Variants in HDAC11 observed in about 807,000 individuals in gnomAD.
The protein encoded by HDAC11 is histone deacetylase 11.
A neutral mutation model predicts 41.1 loss-of-function variants in HDAC11; 23 were observed. The ratio of observed to expected loss-of-function variants is 0.56; its 90% CI spans 0.40 to 0.79. The LOEUF (loss-of-function observed/expected upper bound fraction) is 0.79, where lower values mean the gene tolerates loss of function less well. Ranked by LOEUF, HDAC11 falls within the 30% of genes least tolerant of loss-of-function variation. The pLI is 0.00. For missense variants in HDAC11, 402 were observed against 477.3 expected (o/e 0.84, Z 1.47); for synonymous variants, 187 against 186.6 (o/e 1.00, Z -0.02).
At chr3:13,482,883 C>A (rs568051081) in intron 2 of HDAC11, among the ~76,000 whole-genome samples, 5 of 152,144 alleles carry the variant, frequency 3.3e-5, no homozygotes, top group Non-Finnish European at 7.4e-5. Context: ...ATTGCCACCT[C>A]AACCTCCCTG....
At position 13,502,327 on chromosome 3, in the gene HDAC11, G is replaced by C. The variant is rs751686662; in HGVS notation, c.552+394G>C. ...GATGCCCACACACATGGCTTGGCTC[G>C]GGCACCTGGGGTCACCATTTAAGAA... On this transcript the variant is annotated intron_variant, in intron 7 of 9. Coordinates refer to ENST00000295757, the MANE Select transcript of HDAC11 (RefSeq NM_024827.4). This position sits in a 1 kb window ranked among gnomAD's most constrained non-coding sequence, Gnocchi z 4.1. 1 of 212,690 alleles carries C rather than the reference G, an allele frequency of 4.7e-6. No homozygotes were observed. 13.2% of individuals were successfully genotyped at this position (212,690 alleles called of 1,614,324 possible). A position where few individuals can be genotyped will look rare whatever the true frequency, so the allele number is the denominator to read the frequency against.
chr3:13,480,807 T>A lies in HDAC11; in HGVS notation c.3-439T>A. The A allele has an allele frequency of 2.4e-6, 1 of 423,810 alleles. No homozygotes were observed. Among genetic ancestry groups the A allele is most frequent in the Non-Finnish European group, 4.9e-6 (1 of 205,128 alleles). 26.3% of individuals were successfully genotyped at this position (423,810 alleles called of 1,614,324 possible). A position where few individuals can be genotyped will look rare whatever the true frequency, so the allele number is the denominator to read the frequency against. The stretch of plus-strand genomic sequence containing the variant: ...CCGACTTGGGTTTCTGAGTGCTTAC[T>A]GTGCTCAGCTCCTCAGTTGCATTCT... On this transcript the variant is annotated intron_variant, in intron 1 of 9. Transcript: ENST00000295757. This position sits in a 1 kb window ranked among gnomAD's most constrained non-coding sequence, Gnocchi z 4.6.
At chr3:13,488,150 ACCTGGAGGGAC>A (rs1329609858) in intron 3 of HDAC11, among the ~76,000 whole-genome samples, 2 of 151,964 alleles carry the variant, frequency 1.3e-5, no homozygotes, top group Non-Finnish European at 2.9e-5. Flanking sequence ...TCCATGGAGC[ACCTGGAGGGAC>A]CCTGGAGAGT....
chr3:13,483,760 G>T (rs1358051656), intron 3 of HDAC11, among the ~76,000 whole-genome samples, 196 bp downstream of exon 3: 1 of 152,146 alleles, frequency 6.6e-6, no homozygotes, highest in Admixed American at 6.5e-5. Context: ...GCAGACCTCA[G>T]TTTGGGCCAG....
chr3:13,499,008 C>T (rs1459423259), intron 5 of HDAC11, among the ~76,000 whole-genome samples: 2 of 151,858 alleles, frequency 1.3e-5, no homozygotes, highest in Admixed American at 6.6e-5. Context: ...GGGTCAATAC[C>T]ACCACCTTCT....
intron 3 of HDAC11, among the ~76,000 whole-genome samples, chr3:13,490,080 G>A (rs541491260): frequency 9.2e-5 from 14 of 151,402 alleles, no homozygotes; most frequent in African/African-American, 1.7e-4. Context: ...TGCAACCTCC[G>A]CCTTCTGGTT....
At chr3:13,491,118 T>A (rs2125004506) in intron 3 of HDAC11, among the ~76,000 whole-genome samples, 1 of 149,304 alleles carries the variant, frequency 6.7e-6, no homozygotes, top group East Asian at 2.0e-4. Context: ...GTGTGTATTC[T>A]TTAGGATCCT....
chr3:13,486,793 G>C (rs945553290), intron 3 of HDAC11, among the ~76,000 whole-genome samples: 1 of 151,982 alleles, frequency 6.6e-6, no homozygotes, highest in Non-Finnish European at 1.5e-5. Flanking sequence ...TGGCCAGGCT[G>C]GTCTCGAACT....
chr3:13,504,361 G>A, intron 9 of HDAC11, 89 bp downstream of exon 9: 2 of 1,586,264 alleles, frequency 1.3e-6, no homozygotes, highest in Non-Finnish European at 1.7e-6. Flanking sequence ...TCAGGGAGGA[G>A]ATGGACTGAA....
rs556323044 is a variant in HDAC11, at chr3:13,494,450, G to A, written c.253-2286G>A. Among the ~76,000 whole-genome samples, 408 of 152,262 alleles carry A rather than the reference G, an allele frequency of 2.7e-3. 3 individuals carry two copies. The highest frequency in any genetic ancestry group is 0.02 in the South Asian group (97 of 4,820). ...CCGCAACATACACACACGCACACAC[G>A]CACACGGACATACCTGTGCACACAT... On this transcript the variant is annotated intron_variant, in intron 3 of 9. Coordinates refer to ENST00000295757, the MANE Select transcript of HDAC11 (RefSeq NM_024827.4).
At chr3:13,495,162 G>C (rs767362308) in intron 3 of HDAC11, among the ~76,000 whole-genome samples, 16 of 152,176 alleles carry the variant, frequency 1.1e-4, no homozygotes, top group Admixed American at 8.5e-4. Flanking sequence ...CTGGCCTCCT[G>C]AGCACTGCAC....
chr3:13,495,898 C>T (rs565915837), intron 3 of HDAC11, among the ~76,000 whole-genome samples: 4 of 152,384 alleles, frequency 2.6e-5, no homozygotes, highest in Non-Finnish European at 4.4e-5. Context: ...CCACACTCAT[C>T]ACACTGCAAA....
At chr3:13,501,448 G>T (rs1355905721) in intron 6 of HDAC11, among the ~76,000 whole-genome samples, 1 of 152,172 alleles carries the variant, frequency 6.6e-6, no homozygotes, top group Non-Finnish European at 1.5e-5. Flanking sequence ...GGGGAGGAGG[G>T]AATGAAGGCT....
At chr3:13,498,594 C>T (rs1305500922) in intron 5 of HDAC11, 39 bp downstream of exon 5, 1 of 1,335,686 alleles carries the variant, frequency 7.5e-7, no homozygotes, top group Non-Finnish European at 1.0e-6. Context: ...TCCAGCCCGG[C>T]TTGGTGGAAC....
rs3217603 is a variant in HDAC11 at position 13,496,863 on chromosome 3, T to TGG, written c.369+17_369+18dup. 1.9e-3 allele frequency: 2,029 copies of TGG among 1,079,644 alleles called. 3 individuals carry two copies. The highest frequency in any genetic ancestry group is 2.4e-3 in the Non-Finnish European group (1,794 of 735,834). The allele number at this position is 1,079,644 out of a possible 1,614,324, so 66.9% of individuals were successfully genotyped here. A position where few individuals can be genotyped will look rare whatever the true frequency, so the allele number is the denominator to read the frequency against. On this transcript the variant is annotated intron_variant, in intron 4 of 9. Coordinates refer to ENST00000295757, the MANE Select transcript of HDAC11 (RefSeq NM_024827.4). ...GGAGGAACCATAATGGTAGGTGGGGTGGGGGGGCATGGCTGGGCTGGGGGC... is the reference window on the plus strand; with the variant it reads ...GGAGGAACCATAATGGTAGGTGGGGTGGGGGGGGGCATGGCTGGGCTGGGGGC...
intron 3 of HDAC11, among the ~76,000 whole-genome samples, chr3:13,495,652 C>T (rs1165277225): frequency 6.6e-6 from 1 of 152,178 alleles, no homozygotes; most frequent in Non-Finnish European, 1.5e-5. Flanking sequence ...CCCTACTGCC[C>T]TGACGACAAT....
At chr3:13,488,930 T>C (rs556875728) in intron 3 of HDAC11, among the ~76,000 whole-genome samples, 8 of 152,148 alleles carry the variant, frequency 5.3e-5, no homozygotes, top group African/African-American at 1.7e-4. Context: ...TGTTTTTTTT[T>C]TTCCCCCCCA....
intron 3 of HDAC11, among the ~76,000 whole-genome samples, chr3:13,496,106 G>A (rs1394508228): frequency 6.6e-6 from 1 of 152,196 alleles, no homozygotes; most frequent in Non-Finnish European, 1.5e-5. Flanking sequence ...TTTACCTGGT[G>A]CACTTGGAGG....
chr3:13,499,466 G>A (rs986684240), intron 5 of HDAC11, among the ~76,000 whole-genome samples: 3 of 152,168 alleles, frequency 2.0e-5, no homozygotes, highest in African/African-American at 7.2e-5. Context: ...GAGCCACCAC[G>A]CCCGGCCTTC....
Sources: allele counts gnomAD v4.1 joint callset (sites outside exome capture counted in the v4.1 genomes callset), GRCh38; gene constraint gnomAD v4.1.1; non-coding constraint Gnocchi (gnomAD v3.1); transcripts MANE v1.5; gene names NCBI Gene and HGNC (gene_info 2026-07-23, HGNC 2026-07-21).